The following CYB5R4 variants were observed in gnomAD, a reference collection of about 807,000 sequenced individuals.
CYB5R4 encodes N-terminal cytochrome b5 and cytochrome b5 oxidoreductase domain-containing protein.
A neutral mutation model predicts 70.2 loss-of-function variants in CYB5R4; 55 were observed. The ratio of observed to expected loss-of-function variants is 0.78; its 90% CI spans 0.63 to 0.98. The LOEUF (loss-of-function observed/expected upper bound fraction) is 0.98, where lower values mean the gene tolerates loss of function less well. Ranked by LOEUF, CYB5R4 falls within the 50% of genes least tolerant of loss-of-function variation. The pLI is 0.00. For synonymous variants in CYB5R4, 197 were observed against 199.5 expected (o/e 0.99, Z 0.11); for missense variants, 562 against 612.6 (o/e 0.92, Z 0.87).
At chr6:83,938,144 A>G (rs2099469209) in intron 12 of CYB5R4, among the ~76,000 whole-genome samples, 1 of 152,226 alleles carries the variant, frequency 6.6e-6, no homozygotes, top group African/African-American at 2.4e-5. Flanking sequence ...AATATTGTAT[A>G]TGAATTTGAA....
intron 2 of CYB5R4, among the ~76,000 whole-genome samples, chr6:83,867,891 TGA>T (rs1487917229): frequency 6.6e-6 from 1 of 152,232 alleles, no homozygotes; most frequent in Non-Finnish European, 1.5e-5. Context: ...TCACACCCAG[TGA>T]GAGAGTAAAG....
chr6:83,893,233 A>G (rs1301514370), intron 2 of CYB5R4, among the ~76,000 whole-genome samples: 1 of 152,154 alleles, frequency 6.6e-6, no homozygotes, highest in East Asian at 1.9e-4. Flanking sequence ...AACTGACACA[A>G]ATGTTTATAT....
chr6:83,944,409 C>G (rs2099470242), intron 14 of CYB5R4, among the ~76,000 whole-genome samples: 1 of 152,144 alleles, frequency 6.6e-6, no homozygotes, highest in African/African-American at 2.4e-5. Context: ...ACCACCAGGC[C>G]TGCCTTACAA....
chr6:83,919,525 A>C lies in CYB5R4; in HGVS notation c.564+71A>C, dbSNP rs1218702649. 7 of 775,538 alleles carry C rather than the reference A, an allele frequency of 9.0e-6. No homozygotes were observed. In the African/African-American group the frequency reaches 1.3e-4, roughly 14 times the overall value. 48.0% of individuals were successfully genotyped at this position (775,538 alleles called of 1,614,324 possible). ...AATTTATGTACCAGGTCTTTTTCTA[A>C]ACACTTTTTTATATTATTTACTTCT... On this transcript the variant is annotated intron_variant, in intron 7 of 15. Coordinates refer to ENST00000369681, the MANE Select transcript of CYB5R4 (RefSeq NM_016230.4).
rs1001174447 is a variant in CYB5R4 at position 83,874,276 on chromosome 6, A to G, written c.229+9948A>G. On this transcript the variant is annotated intron_variant, in intron 2 of 15. Transcript: ENST00000369681. ...CATGATCATAGCTCACTGTGGCCTCAACCTCCTAGGCTCAAGTAATCCTCC... is the reference window on the plus strand; with the variant it reads ...CATGATCATAGCTCACTGTGGCCTCGACCTCCTAGGCTCAAGTAATCCTCC... Among the ~76,000 whole-genome samples the G allele has an allele frequency of 4.5e-4, 67 of 148,736 alleles. 1 individual carries two copies. The highest frequency in any genetic ancestry group is 1.6e-3 in the African/African-American group (66 of 40,266).
At chr6:83,948,864 TA>T (rs2099471085) in intron 14 of CYB5R4, among the ~76,000 whole-genome samples, 2 of 152,072 alleles carry the variant, frequency 1.3e-5, no homozygotes, top group African/African-American at 4.8e-5. Flanking sequence ...TGCCTGGCTC[TA>T]ACAGCACTCA....
At position 83,963,573 on chromosome 6, in the gene CYB5R4, T is replaced by G. The variant is rs1379398018; in HGVS notation, c.*3695T>G. On this transcript the variant is annotated 3_prime_UTR_variant, in exon 16 of 16. Transcript: ENST00000369681. ...TTTCAACATTGGTTTTATTTTGAAG[T>G]CATTTTCACCCAGCATTGCAAGTTT... is the stretch of plus-strand genomic sequence containing the variant. 1 of 152,244 alleles carries G rather than the reference T, an allele frequency of 6.6e-6. No homozygotes were observed. Among genetic ancestry groups the G allele is most frequent in the Non-Finnish European group, 1.5e-5 (1 of 68,048 alleles). 9.4% of individuals were successfully genotyped at this position (152,244 alleles called of 1,614,324 possible). A position where few individuals can be genotyped will look rare whatever the true frequency, so the allele number is the denominator to read the frequency against.
intron 2 of CYB5R4, among the ~76,000 whole-genome samples, chr6:83,882,114 G>A (rs575721549): frequency 6.6e-6 from 1 of 152,254 alleles, no homozygotes; most frequent in Admixed American, 6.5e-5. Context: ...ATCAAAACTG[G>A]TGAAGATGAC....
chr6:83,883,432 A>C (rs1236369038), intron 2 of CYB5R4, among the ~76,000 whole-genome samples: 1 of 152,198 alleles, frequency 6.6e-6, no homozygotes, highest in Non-Finnish European at 1.5e-5. Context: ...GCACATCCTA[A>C]ACTGCTAAAA....
rs895084744 is a variant in CYB5R4, at chr6:83,960,532, G to A, written c.*654G>A. The stretch of plus-strand genomic sequence containing the variant: ...TATATTAGAGACATGACACACATGC[G>A]CCTTTGGACTAGGTGTGTTAACAGA... On this transcript the variant is annotated 3_prime_UTR_variant, in exon 16 of 16. Transcript: ENST00000369681. The A allele has an allele frequency of 3.3e-5, 5 of 152,194 alleles. No homozygotes were observed. The highest frequency in any genetic ancestry group is 1.3e-4 in the Admixed American group (2 of 15,276). 9.4% of individuals were successfully genotyped at this position (152,194 alleles called of 1,614,324 possible).
chr6:83,884,472 T>C (rs1210367004), intron 2 of CYB5R4, among the ~76,000 whole-genome samples: 2 of 152,124 alleles, frequency 1.3e-5, no homozygotes, highest in African/African-American at 2.4e-5. Flanking sequence ...GTCATTTCAT[T>C]AGGAAAACTG....
intron 15 of CYB5R4, among the ~76,000 whole-genome samples, chr6:83,956,989 T>C (rs914377657): frequency 1.3e-5 from 2 of 151,876 alleles, no homozygotes; most frequent in Non-Finnish European, 2.9e-5. Flanking sequence ...GTAGAAAAGA[T>C]TGACCCCCCA....
Position 83,922,435 on chromosome 6 carries a change from T to C in CYB5R4, c.659-3T>C, listed in dbSNP as rs1458641679. ...TTTAACTAAATAAATTTGTCTGTCCTAGGGCTAAGCCATGAGGTTCAGGAA... is the reference window on the plus strand; with the variant it reads ...TTTAACTAAATAAATTTGTCTGTCCCAGGGCTAAGCCATGAGGTTCAGGAA... On this transcript the variant is annotated splice_region_variant and splice_polypyrimidine_tract_variant and intron_variant, in intron 8 of 15. Coordinates refer to ENST00000369681, the MANE Select transcript of CYB5R4 (RefSeq NM_016230.4). 1.2e-6 allele frequency: 2 copies of C among 1,612,426 alleles called. No homozygotes were observed. Among genetic ancestry groups the C allele is most frequent in the South Asian group, 1.1e-5 (1 of 90,666 alleles).
intron 2 of CYB5R4, among the ~76,000 whole-genome samples, chr6:83,881,250 C>T (rs534679541): frequency 6.6e-6 from 1 of 152,200 alleles, no homozygotes; most frequent in South Asian, 2.1e-4. Flanking sequence ...TACCAGCTCA[C>T]TGCAGCCTCA....
chr6:83,878,166 A>G (rs957450273), intron 2 of CYB5R4, among the ~76,000 whole-genome samples: 15 of 151,394 alleles, frequency 9.9e-5, no homozygotes, highest in African/African-American at 3.2e-4. Flanking sequence ...ACTTTGTTTT[A>G]TGGTTCCCAT....
intron 4 of CYB5R4, chr6:83,910,422 C>T (rs1222430093): frequency 6.3e-6 from 2 of 315,512 alleles, no homozygotes; most frequent in Admixed American, 4.6e-5. Context: ...GCTATCTCAG[C>T]CTGGCTGCCT....
intron 15 of CYB5R4, among the ~76,000 whole-genome samples, chr6:83,958,268 G>A (rs1189375430): frequency 6.6e-6 from 1 of 152,090 alleles, no homozygotes. Flanking sequence ...CTGCTTTCCA[G>A]GACCACACTA....
intron 2 of CYB5R4, among the ~76,000 whole-genome samples, chr6:83,884,896 A>G (rs1475043796): frequency 6.6e-6 from 1 of 152,174 alleles, no homozygotes; most frequent in Non-Finnish European, 1.5e-5. Context: ...TATTTGTTTG[A>G]ATTTCAAAAC....
chr6:83,870,465 T>C (rs2099457418), intron 2 of CYB5R4, among the ~76,000 whole-genome samples: 1 of 151,818 alleles, frequency 6.6e-6, no homozygotes, highest in Admixed American at 6.6e-5. Flanking sequence ...TTCCTAGGTT[T>C]CCTTAGCTCC....
Sources: allele counts gnomAD v4.1 joint callset (sites outside exome capture counted in the v4.1 genomes callset), GRCh38; gene constraint gnomAD v4.1.1; transcripts MANE v1.5; gene names NCBI Gene and HGNC (gene_info 2026-07-23, HGNC 2026-07-21).